The following MEI4 variants were observed in gnomAD, a reference collection of about 807,000 sequenced individuals.
MEI4 encodes the protein meiotic double-stranded break formation protein 4.
In MEI4, 27 loss-of-function variants were observed where a neutral mutation model predicts 31.4. The ratio of observed to expected loss-of-function variants is 0.86; its 90% CI spans 0.63 to 1.19. The LOEUF (loss-of-function observed/expected upper bound fraction) is 1.19. MEI4 is among the 50% of genes most tolerant of loss of function. The pLI is 0.00. For synonymous variants in MEI4, 122 were observed against 145.4 expected (o/e 0.84, Z 1.16); for missense variants, 329 against 398.9 (o/e 0.82, Z 1.49).
chr6:77,750,740 G>C (rs961708187), intron 2 of MEI4, among the ~76,000 whole-genome samples: 1 of 152,106 alleles, frequency 6.6e-6, no homozygotes, highest in African/African-American at 2.4e-5. Context: ...AGGATATCCA[G>C]GACTTGAACT....
intron 1 of MEI4, among the ~76,000 whole-genome samples, chr6:77,682,297 A>G (rs796976405): frequency 6.6e-6 from 1 of 152,292 alleles, no homozygotes; most frequent in African/African-American, 2.4e-5. Context: ...AAGTATTTAG[A>G]GTAGGTCTCA....
intron 4 of MEI4, among the ~76,000 whole-genome samples, chr6:77,830,024 T>G (rs923712543): frequency 2.6e-5 from 4 of 152,040 alleles, no homozygotes; most frequent in Non-Finnish European, 5.9e-5. Flanking sequence ...TTCACTGTTA[T>G]CAAGGAGTAA....
intron 1 of MEI4, among the ~76,000 whole-genome samples, chr6:77,683,773 T>C (rs1411486424): frequency 6.6e-6 from 1 of 152,222 alleles, no homozygotes. Context: ...TTTTTCTTTA[T>C]CTGTTAATCC....
chr6:77,803,898 C>G lies in MEI4; in HGVS notation c.769-25033C>G, dbSNP rs140501701. ...TCTGCCCCTACTGGGGGTTGCCTCC[C>G]AGTTAGGCTACTCAGGGGTCAGGGA... On this transcript the variant is annotated intron_variant, in intron 3 of 4. Coordinates refer to ENST00000684080, the MANE Select transcript of MEI4 (RefSeq NM_001322247.2). Among the ~76,000 whole-genome samples, 6 of 152,218 alleles carry G rather than the reference C, an allele frequency of 3.9e-5. No homozygotes were observed. The South Asian group carries it at 6.2e-4, about 16-fold the overall frequency.
intron 3 of MEI4, among the ~76,000 whole-genome samples, chr6:77,785,496 C>T (rs1314193371): frequency 6.6e-6 from 1 of 152,122 alleles, no homozygotes; most frequent in Non-Finnish European, 1.5e-5. Flanking sequence ...AATGGTAGGG[C>T]ACAGACTAGA....
chr6:77,746,638 C>CGTGTGTGTGT (rs5877568), intron 2 of MEI4, among the ~76,000 whole-genome samples: 22 of 136,542 alleles, frequency 1.6e-4, no homozygotes, highest in South Asian at 4.8e-4. Flanking sequence ...AAATATATGG[C>CGTGTGTGTGT]GTGTGTGTGT....
At chr6:77,908,204 T>C (rs547595941) in intron 4 of MEI4, among the ~76,000 whole-genome samples, 1 of 152,320 alleles carries the variant, frequency 6.6e-6, no homozygotes, top group African/African-American at 2.4e-5. Flanking sequence ...TTTGGTGTTT[T>C]AGCCATGAAG....
chr6:77,880,382 C>T (rs919452825), intron 4 of MEI4, among the ~76,000 whole-genome samples: 2 of 152,138 alleles, frequency 1.3e-5, no homozygotes, highest in East Asian at 1.9e-4. Context: ...AGGCGCCCAC[C>T]ACCACGCCTG....
intron 4 of MEI4, among the ~76,000 whole-genome samples, chr6:77,905,798 CTTT>C (rs1385534021): frequency 7.2e-6 from 1 of 139,784 alleles, no homozygotes; most frequent in Non-Finnish European, 1.6e-5. Flanking sequence ...GCCGGGCCAG[CTTT>C]TTTTTTTTTT....
intron 4 of MEI4, among the ~76,000 whole-genome samples, chr6:77,898,789 G>A (rs1406442837): frequency 6.6e-6 from 1 of 151,774 alleles, no homozygotes; most frequent in African/African-American, 2.4e-5. Context: ...TTTATCCAAG[G>A]AATGTGACTT....
intron 2 of MEI4, among the ~76,000 whole-genome samples, chr6:77,751,091 C>A (rs1767760304): frequency 6.6e-6 from 1 of 152,000 alleles, no homozygotes; most frequent in African/African-American, 2.4e-5. Flanking sequence ...CAAAATGTGC[C>A]AGAATCTCTG....
intron 3 of MEI4, among the ~76,000 whole-genome samples, chr6:77,787,908 G>A (rs1469207367): frequency 6.6e-6 from 1 of 152,140 alleles, no homozygotes; most frequent in African/African-American, 2.4e-5. Context: ...GATTTGGTTT[G>A]CCAATATTGA....
Position 77,710,264 on chromosome 6 carries a change from T to C in MEI4, c.232+19361T>C, listed in dbSNP as rs540751513. Among the ~76,000 whole-genome samples the C allele has an allele frequency of 1.4e-3, 213 of 152,146 alleles. 1 individual carries two copies. The highest frequency in any genetic ancestry group is 4.5e-3 in the African/African-American group (187 of 41,532). ...ATAGGTATGAAAAATAAAGTGTTGC[T>C]TGTAATCCCAGCACTTTGGGAGGCC... On this transcript the variant is annotated intron_variant, in intron 2 of 4. Transcript: ENST00000684080.
chr6:77,736,126 G>T (rs1767202949), intron 2 of MEI4, among the ~76,000 whole-genome samples: 1 of 152,080 alleles, frequency 6.6e-6, no homozygotes, highest in Non-Finnish European at 1.5e-5. Flanking sequence ...GCCTACAGAG[G>T]CAGGCAGGCC....
intron 4 of MEI4, among the ~76,000 whole-genome samples, chr6:77,877,990 G>A (rs1771385117): frequency 6.6e-6 from 1 of 151,970 alleles, no homozygotes; most frequent in Admixed American, 6.6e-5. Flanking sequence ...AGATGGGCAG[G>A]AAGTATTTAA....
intron 1 of MEI4, among the ~76,000 whole-genome samples, chr6:77,685,830 C>G (rs1204798729): frequency 6.6e-6 from 1 of 152,060 alleles, no homozygotes; most frequent in Non-Finnish European, 1.5e-5. Flanking sequence ...AAGATAGTTT[C>G]CTGTCTTATA....
At chr6:77,802,153 C>T (rs1769282384) in intron 3 of MEI4, among the ~76,000 whole-genome samples, 1 of 152,090 alleles carries the variant, frequency 6.6e-6, no homozygotes, top group Non-Finnish European at 1.5e-5. Context: ...TCTGGGTGCT[C>T]CTGTATTAGG....
At chr6:77,822,434 G>A (rs9352532) in intron 3 of MEI4, among the ~76,000 whole-genome samples, 6 of 151,980 alleles carry the variant, frequency 3.9e-5, no homozygotes, top group Non-Finnish European at 5.9e-5. Context: ...TGTGTCTAAC[G>A]TAATGGTCTA....
Position 77,925,657 on chromosome 6 carries a change from T to G in MEI4, c.*2311T>G, listed in dbSNP as rs1376628236. 6.6e-6 allele frequency: 1 copy of G among 150,992 alleles called. No individual in the cohort carries two copies. Among genetic ancestry groups the G allele is most frequent in the Non-Finnish European group, 1.5e-5 (1 of 67,668 alleles). 9.4% of individuals were successfully genotyped at this position (150,992 alleles called of 1,614,324 possible). A position where few individuals can be genotyped will look rare whatever the true frequency, so the allele number is the denominator to read the frequency against. On this transcript the variant is annotated 3_prime_UTR_variant, in exon 5 of 5. Coordinates refer to ENST00000684080, the MANE Select transcript of MEI4 (RefSeq NM_001322247.2). ...GGCAGCATTGAAACTGGATATAAGATAGGATAGGAAATAAAGAGAACCATA... is the reference window on the plus strand; with the variant it reads ...GGCAGCATTGAAACTGGATATAAGAGAGGATAGGAAATAAAGAGAACCATA...
Sources: allele counts gnomAD v4.1 joint callset (sites outside exome capture counted in the v4.1 genomes callset), GRCh38; gene constraint gnomAD v4.1.1; transcripts MANE v1.5; gene names NCBI Gene and HGNC (gene_info 2026-07-23, HGNC 2026-07-21).